Variants in PPIAL4G observed in about 807,000 individuals in gnomAD.
PPIAL4G encodes peptidyl-prolyl cis-trans isomerase A-like 4G.
PPIAL4G carries 3 observed loss-of-function variants against 7.8 expected under a neutral mutation model. The ratio of observed to expected loss-of-function variants is 0.39; its 90% CI spans 0.18 to 1.00. The LOEUF (loss-of-function observed/expected upper bound fraction) is 1.00. Among genes scored for constraint, PPIAL4G ranks in the 50% least tolerant of loss-of-function variants. The probability of loss-of-function intolerance (pLI) is 0.37; values close to 1 mark genes in which losing one functional copy is unlikely to be tolerated. For missense variants in PPIAL4G, 133 were observed against 208.6 expected, an observed-to-expected ratio of 0.64 and a Z score of 2.23; for synonymous variants, 42 against 73.3, an observed-to-expected ratio of 0.57 and a Z score of 2.18.
In PPIAL4G at chr1:148,482,631, C is replaced by A. The variant is rs1387027271; in HGVS notation, c.*127G>T. On this transcript the variant is annotated 3_prime_UTR_variant, in exon 1 of 1. Coordinates refer to ENST00000419275, the MANE Select transcript of PPIAL4G (RefSeq NM_001123068.3). ...GGAAGGGAACAAGGAAAACATGGAACCCAAAGGGAACTGCAGCAAGAGCAC... is the reference window on the plus strand; with the variant it reads ...GGAAGGGAACAAGGAAAACATGGAAACCAAAGGGAACTGCAGCAAGAGCAC... 9 of 1,048,608 alleles carry A rather than the reference C, an allele frequency of 8.6e-6. No homozygotes were observed. In the Admixed American group the frequency reaches 2.2e-4, roughly 26 times the overall value. The allele number at this position is 1,048,608 out of a possible 1,614,324, so 65.0% of individuals were successfully genotyped here. A position where few individuals can be genotyped will look rare whatever the true frequency, so the allele number is the denominator to read the frequency against.
rs1486261949 is a variant in PPIAL4G at position 148,483,026 on chromosome 1, T to C, written c.227A>G (p.Lys76Arg). The change falls in exon 1 of 1, where the codon AAG (lysine) becomes AGG (arginine). Residue 76 changes from lysine to arginine, a missense_variant. Transcript: ENST00000419275. ...ATCAAATTTCTCCCCATAGATGGAC[T>C]TGTCACCGGTGCCATTAGGGTGTGT... ...DFTHPNGTGDKSIYGEKFDDE... is the reference protein window; with the variant it reads ...DFTHPNGTGDRSIYGEKFDDE... 6.2e-7 allele frequency: 1 copy of C among 1,613,026 alleles called. No individual in the cohort carries two copies. Among genetic ancestry groups the C allele is most frequent in the African/African-American group, 1.3e-5 (1 of 74,974 alleles).
Position 148,482,575 on chromosome 1 carries a change from A to C in PPIAL4G, c.*183T>G. On this transcript the variant is annotated 3_prime_UTR_variant, in exon 1 of 1. Coordinates refer to ENST00000419275, the MANE Select transcript of PPIAL4G (RefSeq NM_001123068.3). ...GTTACTTAGTTTTTATTTCATAATC[A>C]TAAACTTAACTCTGCAATCCAGCTA... 1 of 1,304,002 alleles carries C rather than the reference A, an allele frequency of 7.7e-7. No homozygotes were observed. The highest frequency in any genetic ancestry group is 1.0e-6 in the Non-Finnish European group (1 of 961,896). The allele number at this position is 1,304,002 out of a possible 1,614,324, so 80.8% of individuals were successfully genotyped here.
At position 148,483,211 on chromosome 1, in the gene PPIAL4G, G is replaced by T; in HGVS notation, c.42C>A (p.Gly14=). Reference sequence around the variant, plus strand: ...TGATGGAGATGCGGCCCAAGGGCTTGCCGTCGACGGTGATGTCAAAAAAGA... The same window carrying T: ...TGATGGAGATGCGGCCCAAGGGCTTTCCGTCGACGGTGATGTCAAAAAAGA... ...SVIFFDITVD[G]KPLGRISIKQ... The change falls in exon 1 of 1, where the codon GGC becomes GGA. Residue 14 remains glycine (G), a synonymous_variant. Transcript: ENST00000419275. 6.2e-7 allele frequency: 1 copy of T among 1,613,860 alleles called. No individual in the cohort carries two copies. The highest frequency in any genetic ancestry group is 1.7e-5 in the Admixed American group (1 of 60,016).
In PPIAL4G at chr1:148,482,584, A is replaced by G; in HGVS notation, c.*174T>C. ...TTTTTATTTCATAATCATAAACTTA[A>G]CTCTGCAATCCAGCTAGGCATGGAA... On this transcript the variant is annotated 3_prime_UTR_variant, in exon 1 of 1. Transcript: ENST00000419275. 1 of 1,335,922 alleles carries G rather than the reference A, an allele frequency of 7.5e-7. No individual in the cohort carries two copies. Among genetic ancestry groups the G allele is most frequent in the South Asian group, 1.4e-5 (1 of 70,096 alleles). 82.8% of individuals were successfully genotyped at this position (1,335,922 alleles called of 1,614,324 possible). A position where few individuals can be genotyped will look rare whatever the true frequency, so the allele number is the denominator to read the frequency against.
At position 148,483,280 on chromosome 1, in the gene PPIAL4G, G is replaced by T. The variant is rs1570825351; in HGVS notation, c.-28C>A. ...CTGATAGTACAGGGCTCACAGCGATGGCGGCGTCTGCAAAGATAACCACTG... is the reference window on the plus strand; with the variant it reads ...CTGATAGTACAGGGCTCACAGCGATTGCGGCGTCTGCAAAGATAACCACTG... On this transcript the variant is annotated 5_prime_UTR_variant, in exon 1 of 1. Coordinates refer to ENST00000419275, the MANE Select transcript of PPIAL4G (RefSeq NM_001123068.3). 1.2e-6 allele frequency: 2 copies of T among 1,613,050 alleles called. No homozygotes were observed. Among genetic ancestry groups the T allele is most frequent in the African/African-American group, 2.7e-5 (2 of 75,002 alleles).
In PPIAL4G at chr1:148,482,585, C is replaced by T. The variant is rs1353391866; in HGVS notation, c.*173G>A. 3.0e-6 allele frequency: 4 copies of T among 1,329,928 alleles called. No individual in the cohort carries two copies. The highest frequency in any genetic ancestry group is 2.3e-5 in the East Asian group (1 of 42,962). 82.4% of individuals were successfully genotyped at this position (1,329,928 alleles called of 1,614,324 possible). ...TTTTATTTCATAATCATAAACTTAA[C>T]TCTGCAATCCAGCTAGGCATGGAAG... On this transcript the variant is annotated 3_prime_UTR_variant, in exon 1 of 1. Coordinates refer to ENST00000419275, the MANE Select transcript of PPIAL4G (RefSeq NM_001123068.3).
At position 148,483,191 on chromosome 1, in the gene PPIAL4G, G is replaced by C; in HGVS notation, c.62C>G (p.Ser21Cys). 1 of 1,613,886 alleles carries C rather than the reference G, an allele frequency of 6.2e-7. No homozygotes were observed. The highest frequency in any genetic ancestry group is 1.1e-5 in the South Asian group (1 of 91,072). Reference protein sequence around the residue: ...TVDGKPLGRISIKQFADKIPK... With the variant: ...TVDGKPLGRICIKQFADKIPK... ...AATCTTGTCTGCAAACTGTTTGATG[G>C]AGATGCGGCCCAAGGGCTTGCCGTC... is the stretch of plus-strand genomic sequence containing the variant. The change falls in exon 1 of 1, where the codon TCC becomes TGC. Residue 21 changes from serine (S) to cysteine (C), a missense_variant. Coordinates refer to ENST00000419275, the MANE Select transcript of PPIAL4G (RefSeq NM_001123068.3).
At position 148,482,895 on chromosome 1, in the gene PPIAL4G, C is replaced by G; in HGVS notation, c.358G>C (p.Glu120Gln). ...SQFFICTAKT[E>Q]WLDGKHVAFG... ...GCCACATGCTTGCCATCCAACCACT[C>G]AGTCTTGGCAGTGCAGATGAAAAAC... The change falls in exon 1 of 1, where the codon GAG becomes CAG. Residue 120 changes from glutamate to glutamine, a missense_variant. Transcript: ENST00000419275. The G allele has an allele frequency of 6.2e-7, 1 of 1,605,074 alleles. No homozygotes were observed. Among genetic ancestry groups the G allele is most frequent in the East Asian group, 2.2e-5 (1 of 44,770 alleles).
In PPIAL4G at chr1:148,483,274, A is replaced by G; in HGVS notation, c.-22T>C. 2 of 1,613,308 alleles carry G rather than the reference A, an allele frequency of 1.2e-6. No individual in the cohort carries two copies. Among genetic ancestry groups the G allele is most frequent in the Non-Finnish European group, 1.7e-6 (2 of 1,179,920 alleles). On this transcript the variant is annotated 5_prime_UTR_variant, in exon 1 of 1. Coordinates refer to ENST00000419275, the MANE Select transcript of PPIAL4G (RefSeq NM_001123068.3). Reference sequence around the variant, plus strand: ...CCATGGCTGATAGTACAGGGCTCACAGCGATGGCGGCGTCTGCAAAGATAA... The same window carrying G: ...CCATGGCTGATAGTACAGGGCTCACGGCGATGGCGGCGTCTGCAAAGATAA...
At position 148,483,012 on chromosome 1, in the gene PPIAL4G, C is replaced by T; in HGVS notation, c.241G>A (p.Glu81Lys). The T allele has an allele frequency of 6.2e-7, 1 of 1,612,760 alleles. No homozygotes were observed. Among genetic ancestry groups the T allele is most frequent in the Non-Finnish European group, 8.5e-7 (1 of 1,179,868 alleles). Residue 81 changes from glutamate (E) to lysine (K), a missense_variant, in exon 1 of 1, where the codon GAG becomes AAG. Physicochemically the swap from Glu to Lys is moderately conservative, Grantham distance 56. Coordinates refer to ENST00000419275, the MANE Select transcript of PPIAL4G (RefSeq NM_001123068.3). ...NGTGDKSIYG[E>K]KFDDENLIRK... ...ATGAGGTTCTCATCATCAAATTTCTCCCCATAGATGGACTTGTCACCGGTG... is the reference window on the plus strand; with the variant it reads ...ATGAGGTTCTCATCATCAAATTTCTTCCCATAGATGGACTTGTCACCGGTG...
In PPIAL4G at chr1:148,483,168, T is replaced by A. The variant is rs781866638; in HGVS notation, c.85A>T (p.Ile29Phe). ...RISIKQFADK[I>F]PKTAENFRAL... is the part of the protein sequence containing the mutation. ...CGAAAGTTTTCTGCTGTCTTTGGAA[T>A]CTTGTCTGCAAACTGTTTGATGGAG... Residue 29 changes from isoleucine to phenylalanine, a missense_variant, in exon 1 of 1, where the codon ATT becomes TTT. Ile to Phe is a conservative substitution (Grantham distance 21). Coordinates refer to ENST00000419275, the MANE Select transcript of PPIAL4G (RefSeq NM_001123068.3). The A allele has an allele frequency of 3.1e-6, 5 of 1,613,892 alleles. No homozygotes were observed. The highest frequency in any genetic ancestry group is 3.4e-6 in the Non-Finnish European group (4 of 1,179,870).
rs1374435544 is a variant in PPIAL4G at position 148,482,972 on chromosome 1, C to G, written c.281G>C (p.Gly94Ala). 9.9e-4 allele frequency: 1,588 copies of G among 1,611,720 alleles called. 13 individuals are homozygous for G. The African/African-American group carries it at 0.019, about 20-fold the overall frequency. ...ATTTGCCATGGACAAGATGCCAGAA[C>G]CTGTATGCTTTCGGATGAGGTTCTC... is the stretch of plus-strand genomic sequence containing the variant. ...DDENLIRKHT[G>A]SGILSMANAG... Residue 94 changes from glycine to alanine, a missense_variant, in exon 1 of 1, where the codon GGT (glycine) becomes GCT (alanine). Coordinates refer to ENST00000419275, the MANE Select transcript of PPIAL4G (RefSeq NM_001123068.3).
rs1651903517 is a variant in PPIAL4G, at chr1:148,482,634, A to C, written c.*124T>G. The stretch of plus-strand genomic sequence containing the variant: ...AGGGAACAAGGAAAACATGGAACCC[A>C]AAGGGAACTGCAGCAAGAGCACAAA... On this transcript the variant is annotated 3_prime_UTR_variant, in exon 1 of 1. Coordinates refer to ENST00000419275, the MANE Select transcript of PPIAL4G (RefSeq NM_001123068.3). 4 of 1,002,196 alleles carry C rather than the reference A, an allele frequency of 4.0e-6. No homozygotes were observed. The highest frequency in any genetic ancestry group is 5.8e-6 in the Non-Finnish European group (4 of 687,880). The allele number at this position is 1,002,196 out of a possible 1,614,324, so 62.1% of individuals were successfully genotyped here. A position where few individuals can be genotyped will look rare whatever the true frequency, so the allele number is the denominator to read the frequency against.
Position 148,483,145 on chromosome 1 carries a change from A to G in PPIAL4G, c.108T>C (p.Phe36=), listed in dbSNP as rs1553321572. 1 of 1,613,830 alleles carries G rather than the reference A, an allele frequency of 6.2e-7. No individual in the cohort carries two copies. The highest frequency in any genetic ancestry group is 8.5e-7 in the Non-Finnish European group (1 of 1,179,872). The part of the protein sequence containing the change: ...ADKIPKTAEN[F]RALSTGEKGF... ...CTTTCTCTCCAGTGCTCAGAGCACG[A>G]AAGTTTTCTGCTGTCTTTGGAATCT... The change falls in exon 1 of 1, where the codon TTT becomes TTC. Residue 36 remains phenylalanine (F), a synonymous_variant. Transcript: ENST00000419275.
Position 148,482,748 on chromosome 1 carries a change from G to C in PPIAL4G, c.*10C>G, listed in dbSNP as rs1651908854. On this transcript the variant is annotated 3_prime_UTR_variant, in exon 1 of 1. Coordinates refer to ENST00000419275, the MANE Select transcript of PPIAL4G (RefSeq NM_001123068.3). ...GTCTGGTGGTGAAAATAAAACACAA[G>C]TCAAACTCATTAGAATTGTCCACAG... 2.7e-6 allele frequency: 3 copies of C among 1,127,088 alleles called. No individual in the cohort carries two copies. Among genetic ancestry groups the C allele is most frequent in the African/African-American group, 1.6e-5 (1 of 62,696 alleles). 69.8% of individuals were successfully genotyped at this position (1,127,088 alleles called of 1,614,324 possible).
rs1262471105 is a variant in PPIAL4G, at chr1:148,483,096, A to G, written c.157T>C (p.Phe53Leu). ...EKGFRYKGSCFHRIIPGFMCQ... is the reference protein window; with the variant it reads ...EKGFRYKGSCLHRIIPGFMCQ... Reference sequence around the variant, plus strand: ...ATAAACCCTGGAATAATTCTGTGAAAGCAGGAACCCTTATAACGAAATCCT... The same window carrying G: ...ATAAACCCTGGAATAATTCTGTGAAGGCAGGAACCCTTATAACGAAATCCT... The change falls in exon 1 of 1, where the codon TTT becomes CTT. Residue 53 changes from phenylalanine to leucine, a missense_variant. By Grantham distance (22) the Phe-to-Leu change is conservative (BLOSUM62 0). Around this residue, in one of 2 missense-constraint regions of PPIAL4G, gnomAD observed 105 missense variants for 107.1 expected, o/e 0.98. Coordinates refer to ENST00000419275, the MANE Select transcript of PPIAL4G (RefSeq NM_001123068.3). 92 of 1,613,288 alleles carry G rather than the reference A, an allele frequency of 5.7e-5. No individual in the cohort carries two copies. The highest frequency in any genetic ancestry group is 7.4e-5 in the Non-Finnish European group (87 of 1,179,886).
chr1:148,482,971 A>G lies in PPIAL4G; in HGVS notation c.282T>C (p.Gly94=). 1 of 1,611,802 alleles carries G rather than the reference A, an allele frequency of 6.2e-7. No individual in the cohort carries two copies. Reference sequence around the variant, plus strand: ...CATTTGCCATGGACAAGATGCCAGAACCTGTATGCTTTCGGATGAGGTTCT... The same window carrying G: ...CATTTGCCATGGACAAGATGCCAGAGCCTGTATGCTTTCGGATGAGGTTCT... ...DDENLIRKHT[G]SGILSMANAG... The change falls in exon 1 of 1, where the codon GGT becomes GGC. Residue 94 remains glycine (G), a synonymous_variant. Transcript: ENST00000419275.
Position 148,482,638 on chromosome 1 carries a change from G to A in PPIAL4G, c.*120C>T. On this transcript the variant is annotated 3_prime_UTR_variant, in exon 1 of 1. Coordinates refer to ENST00000419275, the MANE Select transcript of PPIAL4G (RefSeq NM_001123068.3). ...AACAAGGAAAACATGGAACCCAAAG[G>A]GAACTGCAGCAAGAGCACAAAGATT... 1 of 929,468 alleles carries A rather than the reference G, an allele frequency of 1.1e-6. No homozygotes were observed. The highest frequency in any genetic ancestry group is 1.6e-6 in the Non-Finnish European group (1 of 625,482). The allele number at this position is 929,468 out of a possible 1,614,324, so 57.6% of individuals were successfully genotyped here.
chr1:148,483,216 C>T lies in PPIAL4G; in HGVS notation c.37G>A (p.Asp13Asn), dbSNP rs1300939193. 5.0e-6 allele frequency: 8 copies of T among 1,613,660 alleles called. No individual in the cohort carries two copies. The highest frequency in any genetic ancestry group is 1.7e-5 in the Admixed American group (1 of 59,998). ...NSVIFFDITVDGKPLGRISIK... is the reference protein window; with the variant it reads ...NSVIFFDITVNGKPLGRISIK... Reference sequence around the variant, plus strand: ...GAGATGCGGCCCAAGGGCTTGCCGTCGACGGTGATGTCAAAAAAGATGACG... The same window carrying T: ...GAGATGCGGCCCAAGGGCTTGCCGTTGACGGTGATGTCAAAAAAGATGACG... The change falls in exon 1 of 1, where the codon GAC becomes AAC. Residue 13 changes from aspartate to asparagine, a missense_variant. Physicochemically the swap from Asp to Asn is conservative, Grantham distance 23 (BLOSUM62 1). Coordinates refer to ENST00000419275, the MANE Select transcript of PPIAL4G (RefSeq NM_001123068.3).
Sources: gnomAD v4.1 joint callset for allele counts on GRCh38, gnomAD v4.1.1 for gene constraint, gnomAD v4.1.1 regional missense constraint, MANE v1.5 for transcripts, NCBI Gene and HGNC (gene_info 2026-07-23, HGNC 2026-07-21) for gene names.